The following KAZN variants were observed in gnomAD, a reference collection of about 807,000 sequenced individuals.
KAZN encodes kazrin, periplakin interacting protein.
In KAZN, 40 loss-of-function variants were observed where a neutral mutation model predicts 87.4. That is an observed-to-expected ratio of 0.46 (90% CI 0.36 to 0.60). The LOEUF (loss-of-function observed/expected upper bound fraction) is 0.60, where lower values mean the gene tolerates loss of function less well. Ranked by LOEUF, KAZN falls within the 20% of genes least tolerant of loss-of-function variation. The pLI is 0.00. For synonymous variants in KAZN, 466 were observed against 458.3 expected (o/e 1.02, Z -0.22); for missense variants, 898 against 1,073.9 (o/e 0.84, Z 2.29).
chr1:14,166,669 T>C (rs928521442), intron 1 of KAZN, among the ~76,000 whole-genome samples: 3 of 152,234 alleles, frequency 2.0e-5, no homozygotes, highest in African/African-American at 4.8e-5. Context: ...TTTTGTACTA[T>C]ATATTTTAAC....
chr1:14,269,459 A>C (rs916788420), intron 2 of KAZN, among the ~76,000 whole-genome samples: 1 of 152,202 alleles, frequency 6.6e-6, no homozygotes, highest in African/African-American at 2.4e-5. Context: ...GGTAATGGAA[A>C]GAACAGAAAT....
At chr1:14,725,568 A>G (rs1643340118) in intron 1 of KAZN, among the ~76,000 whole-genome samples, 1 of 152,118 alleles carries the variant, frequency 6.6e-6, no homozygotes, top group Admixed American at 6.5e-5. Flanking sequence ...TAAGCCTTAT[A>G]ACAGCCATGT....
intron 3 of KAZN, among the ~76,000 whole-genome samples, chr1:15,043,136 G>A (rs1471105317): frequency 1.3e-5 from 2 of 152,222 alleles, no homozygotes; most frequent in Non-Finnish European, 2.9e-5. Context: ...GGACTGTGCT[G>A]CATTCAGGAC....
intron 1 of KAZN, among the ~76,000 whole-genome samples, chr1:14,738,172 T>A (rs962940087): frequency 6.6e-6 from 1 of 152,124 alleles, no homozygotes; most frequent in Non-Finnish European, 1.5e-5. Flanking sequence ...AAATGACCAT[T>A]CTTGCTTCCA....
intron 2 of KAZN, among the ~76,000 whole-genome samples, chr1:14,192,606 C>T (rs912254744): frequency 4.6e-5 from 7 of 152,032 alleles, no homozygotes; most frequent in East Asian, 3.9e-4. Flanking sequence ...CACTAGTGTT[C>T]GTAAGTGATG....
intron 2 of KAZN, among the ~76,000 whole-genome samples, chr1:14,348,661 T>C (rs996427679): frequency 3.9e-5 from 6 of 152,242 alleles, no homozygotes; most frequent in African/African-American, 1.4e-4. Context: ...GTTCACATTT[T>C]TCCTTTTTCC....
intron 4 of KAZN, among the ~76,000 whole-genome samples, chr1:15,047,739 C>A (rs1245198073): frequency 6.6e-6 from 1 of 152,144 alleles, no homozygotes. Context: ...CCACTGCACT[C>A]CAGCCTGGGC....
At chr1:13,917,560 C>T (rs890960965) in intron 1 of KAZN, among the ~76,000 whole-genome samples, 30 of 151,896 alleles carry the variant, frequency 2.0e-4, no homozygotes, top group Admixed American at 9.2e-4. Flanking sequence ...TTTTGGGAGG[C>T]GGAGTTGGGA....
At chr1:14,412,665 A>T (rs1216932331) in intron 2 of KAZN, among the ~76,000 whole-genome samples, 1 of 152,098 alleles carries the variant, frequency 6.6e-6, no homozygotes. Flanking sequence ...CCTGTTCATT[A>T]GTGAAAAGAA....
chr1:14,412,428 CTG>C (rs1374709370), intron 2 of KAZN, among the ~76,000 whole-genome samples: 2 of 152,128 alleles, frequency 1.3e-5, no homozygotes, highest in Non-Finnish European at 2.9e-5. Context: ...ACTGATAAAA[CTG>C]AGAACTCAGC....
At chr1:14,382,399 T>C (rs982532382) in intron 2 of KAZN, among the ~76,000 whole-genome samples, 2 of 149,236 alleles carry the variant, frequency 1.3e-5, no homozygotes, top group Admixed American at 6.7e-5. Context: ...ACATGTACCA[T>C]GCTGGTGCGC....
intron 2 of KAZN, among the ~76,000 whole-genome samples, chr1:14,420,565 G>A (rs1047580415): frequency 7.9e-5 from 12 of 152,190 alleles, no homozygotes; most frequent in African/African-American, 2.9e-4. Context: ...TGCGCTCGTC[G>A]GGGAGGCTTG....
intron 1 of KAZN, among the ~76,000 whole-genome samples, chr1:14,835,979 T>C (rs1486708818): frequency 1.3e-5 from 2 of 152,190 alleles, no homozygotes; most frequent in Non-Finnish European, 2.9e-5. Context: ...TGGTAACAGC[T>C]GGGTTGGAGA....
At chr1:14,491,988 A>T (rs922413868) in intron 2 of KAZN, among the ~76,000 whole-genome samples, 3 of 152,216 alleles carry the variant, frequency 2.0e-5, no homozygotes, top group African/African-American at 7.2e-5. Flanking sequence ...TTTAACAATT[A>T]TCAGCCCCAT....
chr1:14,456,929 A>G (rs954262707), intron 2 of KAZN, among the ~76,000 whole-genome samples: 4 of 152,092 alleles, frequency 2.6e-5, no homozygotes, highest in African/African-American at 9.7e-5. Flanking sequence ...AAAATACACA[A>G]ATTAGCTGGG....
At chr1:14,452,113 T>C (rs989868030) in intron 2 of KAZN, among the ~76,000 whole-genome samples, 13 of 152,022 alleles carry the variant, frequency 8.6e-5, no homozygotes, top group African/African-American at 3.1e-4. Context: ...CTAATTTTTG[T>C]ATTTTTAGAA....
chr1:15,048,423 T>G (rs541912605), intron 4 of KAZN, among the ~76,000 whole-genome samples: 23 of 85,914 alleles, frequency 2.7e-4, no homozygotes, highest in Non-Finnish European at 4.1e-4. Flanking sequence ...TGTGTGTGTA[T>G]GTGTGTGTGT....
intron 8 of KAZN, among the ~76,000 whole-genome samples, chr1:15,092,254 T>C (rs1483901031): frequency 6.6e-6 from 1 of 151,926 alleles, no homozygotes; most frequent in African/African-American, 2.4e-5. Context: ...TTTGTATTTT[T>C]AGTAGAGACG....
intron 2 of KAZN, among the ~76,000 whole-genome samples, chr1:14,502,203 T>G (rs956749185): frequency 4.6e-5 from 7 of 152,174 alleles, no homozygotes; most frequent in Admixed American, 3.9e-4. Context: ...TGTTCCAGTA[T>G]GTAATGAAAT....
Sources: allele counts gnomAD v4.1 joint callset (sites outside exome capture counted in the v4.1 genomes callset), GRCh38; gene constraint gnomAD v4.1.1; transcripts MANE v1.5; gene names NCBI Gene and HGNC (gene_info 2026-07-23, HGNC 2026-07-21).